GLCCI1: variants seen among roughly 807,000 people sequenced by gnomAD.
The protein encoded by GLCCI1 is glucocorticoid-induced transcript 1 protein.
Under a neutral mutation model 52.2 loss-of-function variants are expected in GLCCI1, and 24 were observed. That is an observed-to-expected ratio of 0.46 (90% CI 0.33 to 0.65). The LOEUF is 0.65. Among genes scored for constraint, GLCCI1 ranks in the 30% least tolerant of loss-of-function variants. The probability of loss-of-function intolerance (pLI) is 0.02; values close to 1 mark genes in which losing one functional copy is unlikely to be tolerated. For synonymous variants in GLCCI1, 310 were observed against 276.5 expected, an observed-to-expected ratio of 1.12 and a Z score of -1.20; for missense variants, 704 against 701.5, an observed-to-expected ratio of 1.00 and a Z score of -0.04.
intron 3 of GLCCI1, among the ~76,000 whole-genome samples, chr7:8,046,201 C>T (rs150985792): frequency 2.0e-5 from 3 of 151,854 alleles, no homozygotes; most frequent in Admixed American, 2.0e-4. Context: ...AATCAAGTCA[C>T]GTAGAACATA....
chr7:8,024,809 CATAGGGT>C (rs1313749562), intron 3 of GLCCI1: 1 of 152,206 alleles, frequency 6.6e-6, no homozygotes, highest in African/African-American at 2.4e-5. Flanking sequence ...AACTAATGAA[CATAGGGT>C]AAGAATAGCA....
chr7:8,070,992 T>A lies in GLCCI1; in HGVS notation c.1038T>A (p.Ile346=). The A allele has an allele frequency of 6.2e-7, 1 of 1,614,198 alleles. No individual in the cohort carries two copies. The highest frequency in any genetic ancestry group is 8.5e-7 in the Non-Finnish European group (1 of 1,180,038). Residue 346 remains isoleucine (I), a synonymous_variant, in exon 6 of 8, where the codon ATT becomes ATA. Transcript: ENST00000223145. ...AHYRSSSTRS[I]DTQTPSVQER... ...ACCGGAGCAGTAGTACTCGCAGCAT[T>A]GACACTCAGACTCCTTCTGTCCAGG...
intron 1 of GLCCI1, among the ~76,000 whole-genome samples, chr7:7,990,553 A>G (rs1254173911): frequency 6.6e-6 from 1 of 152,080 alleles, no homozygotes; most frequent in Non-Finnish European, 1.5e-5. Flanking sequence ...GCAATCTTTT[A>G]TGCACAATAT....
intron 1 of GLCCI1, among the ~76,000 whole-genome samples, chr7:7,989,063 A>T (rs916710727): frequency 2.0e-5 from 3 of 152,170 alleles, no homozygotes; most frequent in African/African-American, 7.2e-5. Context: ...CCATGAGATG[A>T]ATGAAGTCTG....
chr7:8,032,213 T>C (rs1239188705), intron 3 of GLCCI1, among the ~76,000 whole-genome samples: 2 of 152,050 alleles, frequency 1.3e-5, no homozygotes, highest in Non-Finnish European at 2.9e-5. Context: ...ATATTTTCAA[T>C]TGAGTGAAAA....
chr7:8,033,132 A>T (rs978033464), intron 3 of GLCCI1, among the ~76,000 whole-genome samples: 1 of 152,086 alleles, frequency 6.6e-6, no homozygotes, highest in African/African-American at 2.4e-5. Flanking sequence ...AATTATATTA[A>T]TAGAATAAAG....
Position 8,053,023 on chromosome 7 carries a change from T to TATTTATTC in GLCCI1, c.697-2403_697-2402insCATTTATT, listed in dbSNP as rs1304780614. Among the ~76,000 whole-genome samples, 11 of 151,238 alleles carry TATTTATTC rather than the reference T, an allele frequency of 7.3e-5. No individual in the cohort carries two copies. In the East Asian group the frequency reaches 1.5e-3, roughly 21 times the overall value. On this transcript the variant is annotated intron_variant, in intron 3 of 7. Transcript: ENST00000223145. ...GTTTTGTATTATTTATTTATTTATT[T>TATTTATTC]ATTTATTTATTTATTTATGCAAATG...
chr7:7,982,647 G>A (rs1282571845), intron 1 of GLCCI1, among the ~76,000 whole-genome samples: 3 of 152,068 alleles, frequency 2.0e-5, no homozygotes, highest in Non-Finnish European at 2.9e-5. Flanking sequence ...TCCCTCTCAA[G>A]TAATTATTTG....
intron 1 of GLCCI1, among the ~76,000 whole-genome samples, chr7:7,995,893 A>C (rs1315152236): frequency 1.3e-5 from 2 of 152,206 alleles, no homozygotes; most frequent in Non-Finnish European, 2.9e-5. Flanking sequence ...TAGAACTTAA[A>C]GTATAATAAA....
chr7:8,034,380 A>G (rs1000190763), intron 3 of GLCCI1, among the ~76,000 whole-genome samples: 5 of 152,190 alleles, frequency 3.3e-5, no homozygotes, highest in African/African-American at 1.2e-4. Flanking sequence ...TGGATCTTCA[A>G]TAAAATTAAC....
At chr7:8,021,560 T>G (rs1388352941) in intron 2 of GLCCI1, among the ~76,000 whole-genome samples, 1 of 152,244 alleles carries the variant, frequency 6.6e-6, no homozygotes, top group East Asian at 1.9e-4. Flanking sequence ...TTACAGGTGC[T>G]CGCCACCAGG....
chr7:8,071,548 G>C (rs1293968107), intron 6 of GLCCI1, among the ~76,000 whole-genome samples: 1 of 152,192 alleles, frequency 6.6e-6, no homozygotes, highest in African/African-American at 2.4e-5. Flanking sequence ...TGGAAAAAGT[G>C]AGTGTATTTT....
chr7:7,992,097 T>TTCTTTCTTTCTTTCTG (rs1195257351), intron 1 of GLCCI1, among the ~76,000 whole-genome samples: 2 of 121,282 alleles, frequency 1.6e-5, no homozygotes, highest in East Asian at 2.4e-4. Flanking sequence ...CTTTCTTTCT[T>TTCTTTCTTTCTTTCTG]TCTGTCTGTT....
intron 1 of GLCCI1, among the ~76,000 whole-genome samples, chr7:7,980,045 T>C (rs559925073): frequency 6.6e-6 from 1 of 152,276 alleles, no homozygotes; most frequent in South Asian, 2.1e-4. Flanking sequence ...GCCTCCCAAA[T>C]AGCTGGGACC....
intron 2 of GLCCI1, among the ~76,000 whole-genome samples, chr7:8,012,739 C>G (rs1285847496): frequency 6.6e-6 from 1 of 152,094 alleles, no homozygotes; most frequent in African/African-American, 2.4e-5. Context: ...GCCACCACGC[C>G]TGGCCAGGTT....
intron 3 of GLCCI1, among the ~76,000 whole-genome samples, chr7:8,045,093 A>C (rs952899943): frequency 2.0e-5 from 3 of 152,312 alleles, no homozygotes; most frequent in African/African-American, 7.2e-5. Flanking sequence ...AAAGACCAAA[A>C]AACTTGTAAT....
chr7:7,978,475 A>G (rs1780541782), intron 1 of GLCCI1, among the ~76,000 whole-genome samples: 1 of 152,150 alleles, frequency 6.6e-6, no homozygotes, highest in Admixed American at 6.5e-5. Flanking sequence ...TGTTGATGTA[A>G]TATAGAAAAT....
Position 8,055,415 on chromosome 7 carries a change from CT to C in GLCCI1, c.697-15del. 3 of 1,526,478 alleles carry C rather than the reference CT, an allele frequency of 2.0e-6. No homozygotes were observed. Among genetic ancestry groups the C allele is most frequent in the Non-Finnish European group, 1.8e-6 (2 of 1,102,566 alleles). The allele number at this position is 1,526,478 out of a possible 1,614,324, so 94.6% of individuals were successfully genotyped here. On this transcript the variant is annotated splice_polypyrimidine_tract_variant and intron_variant, in intron 3 of 7. Transcript: ENST00000223145. ...TCACTTTTATTCTCTTCTTACTTCTCTTTCCCTGTCCCCAAAGCAGATCGCC... is the reference window on the plus strand; with the variant it reads ...TCACTTTTATTCTCTTCTTACTTCTCTTCCCTGTCCCCAAAGCAGATCGCC...
chr7:8,034,106 T>C (rs893212179), intron 3 of GLCCI1, among the ~76,000 whole-genome samples: 4 of 152,154 alleles, frequency 2.6e-5, no homozygotes, highest in Non-Finnish European at 5.9e-5. Flanking sequence ...ACCCTTATAT[T>C]TGTGGTCAGT....
Sources: allele counts gnomAD v4.1 joint callset (sites outside exome capture counted in the v4.1 genomes callset), GRCh38; gene constraint gnomAD v4.1.1; transcripts MANE v1.5; gene names NCBI Gene and HGNC (gene_info 2026-07-23, HGNC 2026-07-21).